Variants in SLC25A21 observed in about 807,000 individuals in gnomAD.
SLC25A21 encodes the protein solute carrier family 25 member 21.
In SLC25A21, 47 loss-of-function variants were observed where a neutral mutation model predicts 43.8. The observed-to-expected ratio is 1.07, with a 90% CI of 0.85 to 1.37. The LOEUF (loss-of-function observed/expected upper bound fraction) is 1.37, where lower values mean the gene tolerates loss of function less well. Ranked by LOEUF, SLC25A21 falls within the 40% of genes most tolerant of loss-of-function variation. The pLI is 0.00. For synonymous variants in SLC25A21, 131 were observed against 121.3 expected (o/e 1.08, Z -0.52); for missense variants, 352 against 350.2 (o/e 1.00, Z -0.04).
intron 1 of SLC25A21, among the ~76,000 whole-genome samples, chr14:37,096,569 T>G (rs936800031): frequency 2.6e-5 from 4 of 152,178 alleles, no homozygotes; most frequent in African/African-American, 9.7e-5. Flanking sequence ...TAATTTCTTT[T>G]TTCTCCTCTG....
At chr14:36,757,090 CAA>C (rs58430384) in intron 3 of SLC25A21, among the ~76,000 whole-genome samples, 5,803 of 125,726 alleles carry the variant, frequency 0.046, 413 homozygotes, top group African/African-American at 0.16. Flanking sequence ...CCCATCTTTA[CAA>C]AAAAAAAAAA....
chr14:37,020,260 T>C (rs539033040), intron 1 of SLC25A21, among the ~76,000 whole-genome samples: 19 of 152,022 alleles, frequency 1.2e-4, no homozygotes, highest in African/African-American at 4.6e-4. Context: ...TCTGGTAAGC[T>C]GTACATAGTA....
intron 3 of SLC25A21, among the ~76,000 whole-genome samples, chr14:36,767,176 C>T (rs553705242): frequency 5.9e-5 from 9 of 152,096 alleles, no homozygotes; most frequent in Admixed American, 4.6e-4. Context: ...CCTAGATCAG[C>T]GAAATTTTTA....
intron 1 of SLC25A21, among the ~76,000 whole-genome samples, chr14:37,053,083 T>C (rs1961745524): frequency 6.6e-6 from 1 of 152,144 alleles, no homozygotes; most frequent in South Asian, 2.1e-4. Context: ...TAGAAAAAAG[T>C]CCTTTGAGTG....
At chr14:36,949,454 A>G (rs977191533) in intron 1 of SLC25A21, among the ~76,000 whole-genome samples, 1 of 152,208 alleles carries the variant, frequency 6.6e-6, no homozygotes, top group African/African-American at 2.4e-5. Flanking sequence ...AATAAACTTT[A>G]AACTTGTCTT....
intron 7 of SLC25A21, among the ~76,000 whole-genome samples, chr14:36,692,520 G>A (rs1882834390): frequency 6.6e-6 from 1 of 152,198 alleles, no homozygotes; most frequent in African/African-American, 2.4e-5. Flanking sequence ...TTCCTGGCAT[G>A]GGCTCTGACA....
At position 36,836,012 on chromosome 14, in the gene SLC25A21, A is replaced by G. The variant is rs1889196619; in HGVS notation, c.120-22011T>C. Reference sequence around the variant, plus strand: ...TCTTTCGCTGAGTGAACAGTCAGCTACTATTGTCAAAACTGAATCTACCTA... The same window carrying G: ...TCTTTCGCTGAGTGAACAGTCAGCTGCTATTGTCAAAACTGAATCTACCTA... On this transcript the variant is annotated intron_variant, in intron 2 of 9. Coordinates refer to ENST00000331299, the MANE Select transcript of SLC25A21 (RefSeq NM_030631.4). Among the ~76,000 whole-genome samples, 2 of 152,228 alleles carry G rather than the reference A, an allele frequency of 1.3e-5. 1 individual carries two copies. The highest frequency in any genetic ancestry group is 4.1e-4 in the South Asian group (2 of 4,834).
chr14:36,843,357 C>T (rs1889443787), intron 2 of SLC25A21, among the ~76,000 whole-genome samples: 1 of 152,156 alleles, frequency 6.6e-6, no homozygotes, highest in Non-Finnish European at 1.5e-5. Flanking sequence ...CAAGGACATG[C>T]ATGACAGCTG....
rs143909027 is a variant in SLC25A21 at position 37,149,175 on chromosome 14, T to C, written c.70+23106A>G. Among the ~76,000 whole-genome samples the C allele has an allele frequency of 2.9e-4, 44 of 152,226 alleles. No individual in the cohort carries two copies. The East Asian group carries it at 5.8e-3, about 20-fold the overall frequency. The stretch of plus-strand genomic sequence containing the variant: ...TTAACTTAGATGCCAGTGCCTCTAC[T>C]TTTCTCTTTTTCTTCCCTTCCTTGC... On this transcript the variant is annotated intron_variant, in intron 1 of 9. Coordinates refer to ENST00000331299, the MANE Select transcript of SLC25A21 (RefSeq NM_030631.4).
rs78910186 is a variant in SLC25A21, at chr14:36,973,217, G to A, written c.71-98213C>T. Among the ~76,000 whole-genome samples the A allele has an allele frequency of 2.0e-4, 30 of 152,152 alleles. No individual in the cohort carries two copies. The East Asian group carries it at 5.6e-3, about 28-fold the overall frequency. The stretch of plus-strand genomic sequence containing the variant: ...TAGAAAAATCTGGCAGTGTATGTAA[G>A]ACAGATAGGAATGGCAGGAAGCAGA... On this transcript the variant is annotated intron_variant, in intron 1 of 9. Coordinates refer to ENST00000331299, the MANE Select transcript of SLC25A21 (RefSeq NM_030631.4).
chr14:37,139,541 G>A (rs1963536744), intron 1 of SLC25A21, among the ~76,000 whole-genome samples: 1 of 151,582 alleles, frequency 6.6e-6, no homozygotes, highest in African/African-American at 2.4e-5. Context: ...AAATATTCAA[G>A]GAAAAATTTC....
chr14:36,975,224 G>C (rs1045264228), intron 1 of SLC25A21, among the ~76,000 whole-genome samples: 8 of 150,090 alleles, frequency 5.3e-5, no homozygotes, highest in African/African-American at 1.9e-4. Context: ...ATGCCAGAGG[G>C]TGTGGAAGCA....
chr14:36,970,846 T>C (rs1046262967), intron 1 of SLC25A21, among the ~76,000 whole-genome samples: 3 of 152,240 alleles, frequency 2.0e-5, no homozygotes, highest in Non-Finnish European at 4.4e-5. Flanking sequence ...AAGAAATTAC[T>C]ATAGGTTAGG....
At chr14:36,791,929 T>C (rs768142800) in intron 3 of SLC25A21, among the ~76,000 whole-genome samples, 1 of 152,152 alleles carries the variant, frequency 6.6e-6, no homozygotes, top group Non-Finnish European at 1.5e-5. Flanking sequence ...TTGGTCTGAG[T>C]GCTGGATACA....
intron 1 of SLC25A21, among the ~76,000 whole-genome samples, chr14:36,942,229 C>T (rs1030434594): frequency 2.0e-5 from 3 of 151,858 alleles, no homozygotes; most frequent in Non-Finnish European, 4.4e-5. Context: ...TGAAATTCTT[C>T]GCGATTAGAA....
At chr14:37,022,992 T>G (rs972721944) in intron 1 of SLC25A21, among the ~76,000 whole-genome samples, 1 of 152,046 alleles carries the variant, frequency 6.6e-6, no homozygotes, top group Non-Finnish European at 1.5e-5. Context: ...ACCGTCCATT[T>G]CAGGTAATTT....
intron 1 of SLC25A21, among the ~76,000 whole-genome samples, chr14:37,053,591 T>A (rs1320958868): frequency 6.6e-6 from 1 of 152,220 alleles, no homozygotes; most frequent in Non-Finnish European, 1.5e-5. Flanking sequence ...GTCATTTTGG[T>A]GGAAGCATCC....
At chr14:36,797,958 A>G (rs940733619) in intron 3 of SLC25A21, among the ~76,000 whole-genome samples, 4 of 152,208 alleles carry the variant, frequency 2.6e-5, no homozygotes, top group African/African-American at 9.6e-5. Context: ...AGAATTGTCA[A>G]TATGTATACT....
chr14:37,016,607 A>G (rs1240824747), intron 1 of SLC25A21, among the ~76,000 whole-genome samples: 1 of 152,066 alleles, frequency 6.6e-6, no homozygotes, highest in Non-Finnish European at 1.5e-5. Flanking sequence ...CAACTCACCA[A>G]TTGCATTAGC....
Sources: gnomAD v4.1 joint callset for allele counts (sites outside exome capture counted in the v4.1 genomes callset) on GRCh38, gnomAD v4.1.1 for gene constraint, MANE v1.5 for transcripts, NCBI Gene and HGNC (gene_info 2026-07-23, HGNC 2026-07-21) for gene names.